STK3: variants seen among roughly 807,000 people sequenced by gnomAD.
STK3 encodes the protein serine/threonine kinase 3, also known as serine/threonine-protein kinase 3.
STK3 carries 41 observed loss-of-function variants against 58.0 expected under a neutral mutation model. The observed-to-expected ratio is 0.71, with a 90% CI of 0.55 to 0.92. The LOEUF (loss-of-function observed/expected upper bound fraction) is 0.92, where lower values mean the gene tolerates loss of function less well. STK3 is among the 40% of genes least tolerant of loss of function. STK3 has a pLI of 0.00. For missense variants in STK3, 479 were observed against 602.7 expected (o/e 0.79, Z 2.15); for synonymous variants, 170 against 191.0 (o/e 0.89, Z 0.91).
chr8:98,665,790 G>A (rs991649993), intron 6 of STK3, among the ~76,000 whole-genome samples: 2 of 150,284 alleles, frequency 1.3e-5, no homozygotes, highest in African/African-American at 2.5e-5. Flanking sequence ...TGCAAGCTCC[G>A]CCTCCTGGGT....
chr8:98,849,008 C>T (rs1031368764), intron 3 of STK3, among the ~76,000 whole-genome samples: 1 of 151,940 alleles, frequency 6.6e-6, no homozygotes, highest in Non-Finnish European at 1.5e-5. Context: ...AGGCAGATCA[C>T]GAGGTCAGGA....
chr8:98,385,581 C>G (rs1173489459), intron 1 of STK3, among the ~76,000 whole-genome samples: 1 of 152,040 alleles, frequency 6.6e-6, no homozygotes, highest in Non-Finnish European at 1.5e-5. Context: ...TCAGCTGGTG[C>G]CTGAATGGGC....
intron 6 of STK3, among the ~76,000 whole-genome samples, chr8:98,643,979 C>T (rs1563838820): frequency 6.6e-6 from 1 of 152,122 alleles, no homozygotes; most frequent in Admixed American, 6.5e-5. Flanking sequence ...CACACCACTG[C>T]ACTCCAGCAT....
At chr8:98,642,081 A>C (rs1026153867) in intron 6 of STK3, among the ~76,000 whole-genome samples, 1 of 152,186 alleles carries the variant, frequency 6.6e-6, no homozygotes, top group Non-Finnish European at 1.5e-5. Flanking sequence ...ACTTGTATAC[A>C]CTTTCTAGGT....
At chr8:98,541,215 G>A (rs149632192) in intron 9 of STK3, among the ~76,000 whole-genome samples, 24 of 152,178 alleles carry the variant, frequency 1.6e-4, no homozygotes, top group East Asian at 7.7e-4. Flanking sequence ...TAAATCTCAC[G>A]TTGAATTTTA....
intron 4 of STK3, among the ~76,000 whole-genome samples, chr8:98,743,225 A>C (rs1161221470): frequency 6.7e-6 from 1 of 150,206 alleles, no homozygotes; most frequent in South Asian, 2.1e-4. Context: ...AATTGGACAA[A>C]AGTACTTTAA....
intron 3 of STK3, among the ~76,000 whole-genome samples, chr8:98,841,890 G>A (rs1042081473): frequency 1.3e-5 from 2 of 152,024 alleles, no homozygotes; most frequent in Non-Finnish European, 2.9e-5. Flanking sequence ...ACTTTAGTAT[G>A]CATTAAAATC....
chr8:98,718,260 C>A (rs752386642), intron 4 of STK3, among the ~76,000 whole-genome samples: 1 of 152,006 alleles, frequency 6.6e-6, no homozygotes, highest in African/African-American at 2.4e-5. Context: ...GGGGGAAATG[C>A]CTTGATTCAA....
At chr8:98,524,637 T>A (rs945322396) in intron 10 of STK3, among the ~76,000 whole-genome samples, 25 of 152,234 alleles carry the variant, frequency 1.6e-4, no homozygotes, top group Admixed American at 1.5e-3. Flanking sequence ...GATCCTACGC[T>A]GATGTCAAGA....
intron 8 of STK3, among the ~76,000 whole-genome samples, chr8:98,550,435 T>C (rs1367950036): frequency 6.6e-6 from 1 of 152,138 alleles, no homozygotes; most frequent in African/African-American, 2.4e-5. Context: ...TCAGATATTA[T>C]TTCATTTATC....
At chr8:98,613,011 G>A (rs1817324003) in intron 6 of STK3, among the ~76,000 whole-genome samples, 1 of 152,146 alleles carries the variant, frequency 6.6e-6, no homozygotes, top group Non-Finnish European at 1.5e-5. Flanking sequence ...AGGAGGACTA[G>A]AAAAAAGTTA....
intron 3 of STK3, among the ~76,000 whole-genome samples, chr8:98,762,134 A>G (rs930249003): frequency 2.0e-5 from 3 of 152,148 alleles, no homozygotes; most frequent in African/African-American, 7.2e-5. Context: ...ACTTCCCCAT[A>G]TCTATCCCAT....
intron 10 of STK3, among the ~76,000 whole-genome samples, chr8:98,478,284 C>A (rs1375788597): frequency 6.6e-6 from 1 of 151,994 alleles, no homozygotes; most frequent in African/African-American, 2.4e-5. Context: ...TTTCTTAAGG[C>A]GCTGGTTTAT....
At chr8:98,568,120 TA>T (rs1169876977) in intron 8 of STK3, among the ~76,000 whole-genome samples, 1 of 142,778 alleles carries the variant, frequency 7.0e-6, no homozygotes, top group Non-Finnish European at 1.5e-5. Flanking sequence ...TAGACTGATT[TA>T]AAAAATAAAA....
intron 3 of STK3, among the ~76,000 whole-genome samples, chr8:98,870,786 A>G (rs540763779): frequency 1.4e-3 from 206 of 152,216 alleles, no homozygotes; most frequent in African/African-American, 4.4e-3. Context: ...CTCCCATTCT[A>G]TAGGTTGCCT....
Position 98,540,731 on chromosome 8 carries a change from C to A in STK3, c.1141+7238G>T, listed in dbSNP as rs1256116688. Among the ~76,000 whole-genome samples the A allele has an allele frequency of 2.6e-5, 4 of 152,186 alleles. No individual in the cohort carries two copies. In the East Asian group the frequency reaches 7.7e-4, roughly 29 times the overall value. On this transcript the variant is annotated intron_variant, in intron 9 of 10. Transcript: ENST00000419617. ...ATCATAGAGGCTAGAGAGCTGAACA[C>A]CACATTTCTCAGAATTCCTTGCAAC...
At chr8:98,549,591 T>C (rs1274457420) in intron 8 of STK3, among the ~76,000 whole-genome samples, 1 of 152,196 alleles carries the variant, frequency 6.6e-6, no homozygotes, top group South Asian at 2.1e-4. Flanking sequence ...TGAAGTCTGA[T>C]TTATCAATTT....
At chr8:98,884,364 A>T (rs1445159096) in intron 1 of STK3, among the ~76,000 whole-genome samples, 1 of 152,178 alleles carries the variant, frequency 6.6e-6, no homozygotes, top group Admixed American at 6.5e-5. Context: ...TTTTAAATAA[A>T]AAATCCCCAT....
chr8:98,361,124 C>T, the STK3 span, among the ~76,000 whole-genome samples: 1 of 152,098 alleles, frequency 6.6e-6, no homozygotes, highest in Non-Finnish European at 1.5e-5. Flanking sequence ...ACTGAGTACC[C>T]CCCTTCCCAA....
Sources: gnomAD v4.1 joint callset for allele counts (sites outside exome capture counted in the v4.1 genomes callset) on GRCh38, gnomAD v4.1.1 for gene constraint, MANE v1.5 for transcripts, NCBI Gene and HGNC (gene_info 2026-07-23, HGNC 2026-07-21) for gene names.